The following FHIT variants were observed in gnomAD, a reference collection of about 807,000 sequenced individuals.
FHIT encodes the protein bis(5'-adenosyl)-triphosphatase.
In FHIT, 19 loss-of-function variants were observed where a neutral mutation model predicts 17.9. The observed-to-expected ratio is 1.06, with a 90% CI of 0.74 to 1.56. The LOEUF (loss-of-function observed/expected upper bound fraction) is 1.56, where lower values mean the gene tolerates loss of function less well. FHIT is among the 40% of genes most tolerant of loss of function. FHIT has a pLI of 0.00. For missense variants in FHIT, 248 were observed against 189.2 expected (o/e 1.31, Z -1.82); for synonymous variants, 81 against 69.7 (o/e 1.16, Z -0.81).
intron 5 of FHIT, among the ~76,000 whole-genome samples, chr3:60,063,862 TTTTGA>T (rs1702392616): frequency 6.6e-6 from 1 of 152,292 alleles, no homozygotes; most frequent in South Asian, 2.1e-4. Flanking sequence ...GTTAAACGCG[TTTTGA>T]TTTATCAATA....
At chr3:60,614,869 C>T (rs949694262) in intron 4 of FHIT, among the ~76,000 whole-genome samples, 3 of 117,966 alleles carry the variant, frequency 2.5e-5, no homozygotes, top group Non-Finnish European at 4.8e-5. Flanking sequence ...CCTGCTCTGT[C>T]GCCAGACTGG....
chr3:60,341,906 A>G (rs925196357), intron 5 of FHIT, among the ~76,000 whole-genome samples: 4 of 152,340 alleles, frequency 2.6e-5, no homozygotes, highest in Admixed American at 2.6e-4. Context: ...TAGTTCAGCC[A>G]AAACGAGGTT....
chr3:60,887,278 T>C (rs1360019844), intron 3 of FHIT, among the ~76,000 whole-genome samples: 1 of 152,196 alleles, frequency 6.6e-6, no homozygotes, highest in Non-Finnish European at 1.5e-5. Flanking sequence ...TTAGGACTTT[T>C]GTTTTGTTTT....
chr3:61,195,339 C>A (rs2038825690), intron 2 of FHIT, among the ~76,000 whole-genome samples: 1 of 152,058 alleles, frequency 6.6e-6, no homozygotes, highest in African/African-American at 2.4e-5. Flanking sequence ...GTGATGATCT[C>A]ACCTATGAAG....
In FHIT at chr3:60,965,266, T is replaced by C. The variant is rs376667258; in HGVS notation, c.-111+76781A>G. 2.3e-3 allele frequency among the ~76,000 whole-genome samples: 350 copies of C among 152,330 alleles called. 1 individual carries two copies. Among genetic ancestry groups the C allele is most frequent in the Non-Finnish European group, 3.9e-3 (264 of 68,034 alleles). ...CATGCATCACGTAGTTCTCATGCCATGGTTTTCAGCTCCATCAGGTCATTT... is the reference window on the plus strand; with the variant it reads ...CATGCATCACGTAGTTCTCATGCCACGGTTTTCAGCTCCATCAGGTCATTT... On this transcript the variant is annotated intron_variant, in intron 3 of 9. Coordinates refer to ENST00000492590, the MANE Select transcript of FHIT (RefSeq NM_002012.4).
At chr3:60,176,867 A>C (rs73831967) in intron 5 of FHIT, among the ~76,000 whole-genome samples, 4,581 of 152,184 alleles carry the variant, frequency 0.03, 204 homozygotes, top group African/African-American at 0.1. Flanking sequence ...GAAATATGAA[A>C]CCCTTTTGGC....
intron 8 of FHIT, 35 bp downstream of exon 8, chr3:59,922,311 T>C: frequency 6.5e-7 from 1 of 1,544,042 alleles, no homozygotes; most frequent in Non-Finnish European, 9.0e-7. Flanking sequence ...ACAGTCCCCG[T>C]GATCAAACAA....
chr3:60,099,734 T>G (rs1273822194), intron 5 of FHIT, among the ~76,000 whole-genome samples: 2 of 152,178 alleles, frequency 1.3e-5, no homozygotes, highest in Non-Finnish European at 2.9e-5. Context: ...TTTTTTGACT[T>G]TTTAATGGTT....
intron 5 of FHIT, among the ~76,000 whole-genome samples, chr3:60,466,664 A>T (rs1362186288): frequency 6.6e-6 from 1 of 151,906 alleles, no homozygotes; most frequent in African/African-American, 2.4e-5. Context: ...CATATGATGT[A>T]TCATTGATTG....
At chr3:60,575,602 G>A (rs1252465468) in intron 4 of FHIT, among the ~76,000 whole-genome samples, 7 of 152,140 alleles carry the variant, frequency 4.6e-5, no homozygotes, top group African/African-American at 7.2e-5. Flanking sequence ...AGTATAAAAT[G>A]TAAGGAATAA....
intron 4 of FHIT, among the ~76,000 whole-genome samples, chr3:60,655,370 C>T (rs1240350862): frequency 2.6e-5 from 4 of 152,258 alleles, no homozygotes; most frequent in African/African-American, 9.6e-5. Context: ...TTGTTACAAG[C>T]TCTTTTACTA....
intron 5 of FHIT, among the ~76,000 whole-genome samples, chr3:60,479,482 C>T (rs1470362212): frequency 2.0e-5 from 3 of 152,134 alleles, no homozygotes; most frequent in African/African-American, 7.2e-5. Context: ...TAGTGACATC[C>T]TAGCTGTCTT....
chr3:60,522,200 C>T (rs1349428137), intron 5 of FHIT, among the ~76,000 whole-genome samples: 1 of 151,670 alleles, frequency 6.6e-6, no homozygotes, highest in African/African-American at 2.4e-5. Flanking sequence ...ACTTCTGCCC[C>T]CCTGAGTTCA....
intron 5 of FHIT, among the ~76,000 whole-genome samples, chr3:60,468,667 G>A (rs538249424): frequency 6.6e-6 from 1 of 152,026 alleles, no homozygotes; most frequent in East Asian, 1.9e-4. Flanking sequence ...TATTATTTTT[G>A]ATAGATTCAT....
Position 60,156,662 on chromosome 3 carries a change from G to A in FHIT, c.104-142510C>T, listed in dbSNP as rs577060711. Among the ~76,000 whole-genome samples, 7 of 152,124 alleles carry A rather than the reference G, an allele frequency of 4.6e-5. 2 individuals are homozygous for A. In the South Asian group the frequency reaches 1.2e-3, roughly 27 times the overall value. The stretch of plus-strand genomic sequence containing the variant: ...ATCTACTCAGGAGGCTGAGGTGAGA[G>A]GATTACTTGAGCCTAAGAAGTTGAG... On this transcript the variant is annotated intron_variant, in intron 5 of 9. Transcript: ENST00000492590.
chr3:59,784,388 G>T (rs73840821), intron 8 of FHIT, among the ~76,000 whole-genome samples: 1 of 152,242 alleles, frequency 6.6e-6, no homozygotes, highest in Non-Finnish European at 1.5e-5. Flanking sequence ...GAGGGTGCTA[G>T]TCAGCCATCT....
intron 2 of FHIT, among the ~76,000 whole-genome samples, chr3:61,076,591 T>C (rs1010255070): frequency 6.6e-6 from 1 of 152,186 alleles, no homozygotes; most frequent in African/African-American, 2.4e-5. Flanking sequence ...AAGAATACAA[T>C]ACATAAAAGA....
At chr3:59,814,897 T>C (rs1203218160) in intron 8 of FHIT, among the ~76,000 whole-genome samples, 1 of 152,148 alleles carries the variant, frequency 6.6e-6, no homozygotes, top group African/African-American at 2.4e-5. Context: ...AAAAAAAATA[T>C]AAGATCATTG....
At chr3:60,111,151 C>G (rs1381985750) in intron 5 of FHIT, among the ~76,000 whole-genome samples, 1 of 152,140 alleles carries the variant, frequency 6.6e-6, no homozygotes, top group Non-Finnish European at 1.5e-5. Flanking sequence ...TGTTGTTTCT[C>G]TACTAAAGAA....
Sources: allele counts gnomAD v4.1 joint callset (sites outside exome capture counted in the v4.1 genomes callset), GRCh38; gene constraint gnomAD v4.1.1; transcripts MANE v1.5; gene names NCBI Gene and HGNC (gene_info 2026-07-23, HGNC 2026-07-21).